The following FAAP20 variants were observed in gnomAD, a reference collection of about 807,000 sequenced individuals.
The protein encoded by FAAP20 is Fanconi anemia core complex-associated protein 20.
FAAP20 carries 12 observed loss-of-function variants against 16.2 expected under a neutral mutation model. The ratio of observed to expected loss-of-function variants is 0.74; its 90% CI spans 0.48 to 1.20. The LOEUF is 1.20. Ranked by LOEUF, FAAP20 falls within the 50% of genes most tolerant of loss-of-function variation. The pLI, the probability that FAAP20 is intolerant of heterozygous loss-of-function variation, is 0.00. For missense variants in FAAP20, 288 were observed against 245.8 expected, an observed-to-expected ratio of 1.17 and a Z score of -1.15; for synonymous variants, 141 against 110.7, an observed-to-expected ratio of 1.27 and a Z score of -1.72.
chr1:2,190,915 G>T, intron 3 of FAAP20: 1 of 162,012 alleles, frequency 6.2e-6, no homozygotes. Flanking sequence ...TTTGGCTCCT[G>T]TGCCCCGTCT....
downstream of FAAP20, among the ~76,000 whole-genome samples, chr1:2,208,207 T>C (rs1315487754): frequency 6.6e-6 from 1 of 152,026 alleles, no homozygotes; most frequent in Non-Finnish European, 1.5e-5. Flanking sequence ...GGCCTGGGCT[T>C]CTTGGGAGCC....
intron 3 of FAAP20, chr1:2,190,686 T>A (rs1688118468): frequency 6.1e-6 from 2 of 329,270 alleles, no homozygotes; most frequent in South Asian, 2.4e-5. Flanking sequence ...GACTTGGGCC[T>A]AGATCTTGCT....
chr1:2,206,022 G>A (rs1453930267), intron 3 of FAAP20, among the ~76,000 whole-genome samples: 1 of 152,276 alleles, frequency 6.6e-6, no homozygotes, highest in Non-Finnish European at 1.5e-5. Context: ...TAGGGCCCAG[G>A]CAGGAGAGGG....
At chr1:2,189,525 G>C (rs769745867), downstream of FAAP20, 2 of 622,894 alleles carry the variant, frequency 3.2e-6, no homozygotes, top group East Asian at 2.8e-5. Flanking sequence ...TAAACCAAAC[G>C]TCAGAAAGAA....
chr1:2,203,233 G>A (rs918367461), upstream of FAAP20, among the ~76,000 whole-genome samples: 1 of 152,208 alleles, frequency 6.6e-6, no homozygotes, highest in East Asian at 1.9e-4. Context: ...CAGCCCAGGT[G>A]GGGCCAAGGC....
chr1:2,193,864 GGTCCGACA>G lies in FAAP20; in HGVS notation c.237_244del (p.Val80GlnfsTer43). On this transcript the variant is annotated frameshift_variant, in exon 3 of 4. Transcript: ENST00000378546. LOFTEE classifies it high-confidence loss of function. Reference sequence around the variant, plus strand: ...AAAGGGTGTCCAGGAAAAGGTCTTGGGTCCGACAGTGAAGACTTCAGTGGGCTCCGGGC... The same window carrying G: ...AAAGGGTGTCCAGGAAAAGGTCTTGGGTGAAGACTTCAGTGGGCTCCGGGC... 1 of 1,612,482 alleles carries G rather than the reference GGTCCGACA, an allele frequency of 6.2e-7. No individual in the cohort carries two copies. The highest frequency in any genetic ancestry group is 8.5e-7 in the Non-Finnish European group (1 of 1,179,846).
downstream of FAAP20, chr1:2,185,530 C>T (rs1287076708): frequency 7.0e-6 from 5 of 715,168 alleles, no homozygotes; most frequent in Admixed American, 4.0e-5. Flanking sequence ...GGACACACCG[C>T]AATCAAGAAT....
At chr1:2,189,990 C>T in intron 3 of FAAP20, 1 of 619,960 alleles carries the variant, frequency 1.6e-6, no homozygotes, top group Non-Finnish European at 2.9e-6. Flanking sequence ...CGTGAGGAGG[C>T]CACGCCAGGC....
chr1:2,197,157 C>G (rs1688860177), upstream of FAAP20, among the ~76,000 whole-genome samples: 1 of 152,186 alleles, frequency 6.6e-6, no homozygotes, highest in Non-Finnish European at 1.5e-5. Context: ...CCTGCCCTGT[C>G]CTGGAGGACC....
chr1:2,194,389 T>G (rs1572118778), intron 1 of FAAP20, among the ~76,000 whole-genome samples: 4 of 93,436 alleles, frequency 4.3e-5, no homozygotes, highest in South Asian at 3.6e-4. Context: ...AGGCGATGGT[T>G]GGGGAGATTG....
downstream of FAAP20, chr1:2,207,801 C>CT (rs1393522168): frequency 6.6e-6 from 1 of 152,404 alleles, no homozygotes; most frequent in Non-Finnish European, 1.5e-5. Flanking sequence ...TGCGGCGGCC[C>CT]TCCCCCAGCC....
chr1:2,201,686 C>T (rs966221699), upstream of FAAP20, among the ~76,000 whole-genome samples: 1 of 151,902 alleles, frequency 6.6e-6, no homozygotes, highest in African/African-American at 2.4e-5. Context: ...TGTGCCACTG[C>T]ACTCCAGCCT....
Position 2,189,555 on chromosome 1 carries a change from A to G in FAAP20, c.*154T>C. The G allele has an allele frequency of 1.5e-6, 1 of 679,128 alleles. No homozygotes were observed. The highest frequency in any genetic ancestry group is 1.6e-5 in the South Asian group (1 of 61,318). The allele number at this position is 679,128 out of a possible 1,614,324, so 42.1% of individuals were successfully genotyped here. A position where few individuals can be genotyped will look rare whatever the true frequency, so the allele number is the denominator to read the frequency against. On this transcript the variant is annotated 3_prime_UTR_variant, in exon 4 of 4. Transcript: ENST00000378546. ...AAAGAAAAGCGGCAGACGTTTCATC[A>G]CAACACAGAGACAGACAGGAGCCCG...
chr1:2,197,931 A>G (rs546054773), upstream of FAAP20: 3 of 1,235,980 alleles, frequency 2.4e-6, no homozygotes, highest in African/African-American at 3.1e-5. Flanking sequence ...GCTGCCTGCC[A>G]GCCGAGGGCC....
chr1:2,190,798 C>T (rs576199602), intron 3 of FAAP20: 2 of 239,946 alleles, frequency 8.3e-6, no homozygotes, highest in African/African-American at 4.4e-5. Context: ...GACACGTGTC[C>T]CTGTGTCCAC....
At chr1:2,192,741 G>T in intron 3 of FAAP20, 1 of 1,127,800 alleles carries the variant, frequency 8.9e-7, no homozygotes, top group Non-Finnish European at 1.2e-6. Flanking sequence ...AGCCTCCAGA[G>T]TAGCTAGGAC....
chr1:2,195,944 G>A (rs931649015), upstream of FAAP20, among the ~76,000 whole-genome samples: 1 of 152,206 alleles, frequency 6.6e-6, no homozygotes, highest in Non-Finnish European at 1.5e-5. Context: ...GAGATGCAGC[G>A]CTGAGTGCTG....
chr1:2,204,384 G>C (rs192183342), upstream of FAAP20, among the ~76,000 whole-genome samples: 1 of 152,256 alleles, frequency 6.6e-6, no homozygotes. Context: ...CTTCTGGGAC[G>C]TGCCCTGGGG....
At chr1:2,189,081 G>A (rs915205838), downstream of FAAP20, among the ~76,000 whole-genome samples, 2 of 150,680 alleles carry the variant, frequency 1.3e-5, no homozygotes, top group Non-Finnish European at 2.9e-5. Flanking sequence ...TGTAATCCCA[G>A]CACTTCAGGA....
Sources: allele counts gnomAD v4.1 joint callset (sites outside exome capture counted in the v4.1 genomes callset), GRCh38; gene constraint gnomAD v4.1.1; transcripts MANE v1.5; gene names NCBI Gene and HGNC (gene_info 2026-07-23, HGNC 2026-07-21).